The following SVIL variants were observed in gnomAD, a reference collection of about 807,000 sequenced individuals.
The protein encoded by SVIL is supervillin, also known as archvillin.
A neutral mutation model predicts 240.4 loss-of-function variants in SVIL; 101 were observed. That is an observed-to-expected ratio of 0.42 (90% confidence interval 0.36 to 0.50). The LOEUF is 0.50. Among genes scored for constraint, SVIL ranks in the 20% least tolerant of loss-of-function variants. SVIL has a pLI of 0.01. For missense variants in SVIL, 2,512 were observed against 2,818.7 expected, an observed-to-expected ratio of 0.89 and a Z score of 2.46; for synonymous variants, 999 against 1,100.0, an observed-to-expected ratio of 0.91 and a Z score of 1.82.
chr10:29,479,438 C>A (rs1252986398), intron 29 of SVIL, among the ~76,000 whole-genome samples: 1 of 152,200 alleles, frequency 6.6e-6, no homozygotes, highest in Non-Finnish European at 1.5e-5. Flanking sequence ...CAGAGTAAAG[C>A]CCCCAGCATC....
chr10:29,722,963 T>C (rs148848849), intron 1 of SVIL, among the ~76,000 whole-genome samples: 17 of 152,368 alleles, frequency 1.1e-4, no homozygotes, highest in African/African-American at 4.1e-4. Flanking sequence ...GCCTTGATGT[T>C]GCTCATCTGT....
chr10:29,472,640 G>A (rs1449913752), intron 30 of SVIL, among the ~76,000 whole-genome samples: 1 of 152,198 alleles, frequency 6.6e-6, no homozygotes, highest in Non-Finnish European at 1.5e-5. Flanking sequence ...TGCAAGCCTT[G>A]GATCTGGGCA....
At chr10:29,667,360 C>T (rs1959388911) in intron 2 of SVIL, among the ~76,000 whole-genome samples, 1 of 152,150 alleles carries the variant, frequency 6.6e-6, no homozygotes, top group Non-Finnish European at 1.5e-5. Flanking sequence ...AAGCCAGACT[C>T]AAAAGACATC....
chr10:29,730,253 A>T (rs1964542896), intron 1 of SVIL, among the ~76,000 whole-genome samples: 1 of 152,214 alleles, frequency 6.6e-6, no homozygotes, highest in Non-Finnish European at 1.5e-5. Flanking sequence ...TAAGGAAGGG[A>T]GATTTATCCC....
At chr10:29,668,980 T>C (rs983064078) in intron 2 of SVIL, among the ~76,000 whole-genome samples, 2 of 152,224 alleles carry the variant, frequency 1.3e-5, no homozygotes, top group Admixed American at 1.3e-4. Context: ...CTAGGCACTA[T>C]AGGTACAATG....
intron 2 of SVIL, among the ~76,000 whole-genome samples, chr10:29,659,810 T>TA (rs1564742566): frequency 6.6e-6 from 1 of 151,762 alleles, no homozygotes; most frequent in Non-Finnish European, 1.5e-5. Context: ...GTTCCAACAA[T>TA]AAAAAAAATC....
chr10:29,700,870 C>G (rs1268032852), intron 1 of SVIL, among the ~76,000 whole-genome samples: 2 of 152,078 alleles, frequency 1.3e-5, no homozygotes, highest in African/African-American at 2.4e-5. Context: ...TGAGTATTAA[C>G]AAAAACAAGC....
At chr10:29,465,827 T>C in intron 33 of SVIL, 77 bp from the exon 34 acceptor site, 1 of 1,518,982 alleles carries the variant, frequency 6.6e-7, no homozygotes, top group Non-Finnish European at 8.9e-7. Context: ...GAATGTAAAA[T>C]ATGAAATAAT....
At chr10:29,733,712 C>T (rs1329161557) in intron 1 of SVIL, among the ~76,000 whole-genome samples, 2 of 152,214 alleles carry the variant, frequency 1.3e-5, no homozygotes, top group Non-Finnish European at 2.9e-5. Context: ...AGCCATTCTT[C>T]CCAGACTTTC....
chr10:29,703,042 C>A (rs955420071), intron 1 of SVIL, among the ~76,000 whole-genome samples: 4 of 151,976 alleles, frequency 2.6e-5, no homozygotes, highest in Non-Finnish European at 4.4e-5. Flanking sequence ...CAAGACAGTT[C>A]AAAAATGTGA....
chr10:29,630,465 T>C (rs1309165110), intron 1 of SVIL, among the ~76,000 whole-genome samples: 4 of 152,174 alleles, frequency 2.6e-5, no homozygotes, highest in Admixed American at 6.5e-5. Flanking sequence ...GAGATCTCTC[T>C]GAACCAATAC....
intron 1 of SVIL, among the ~76,000 whole-genome samples, chr10:29,696,108 C>T (rs964018968): frequency 2.0e-5 from 3 of 151,842 alleles, no homozygotes; most frequent in Non-Finnish European, 2.9e-5. Context: ...CGCGCCGCCA[C>T]GCCTGACTGG....
intron 11 of SVIL, 107 bp from the exon 12 acceptor site, chr10:29,529,951 G>T: frequency 1.7e-6 from 2 of 1,207,720 alleles, no homozygotes; most frequent in Non-Finnish European, 2.2e-6. Flanking sequence ...AGGGAAGATT[G>T]CTGGAGGCCA....
rs200906653 is a variant in SVIL at position 29,582,860 on chromosome 10, T to C, written c.-200-13548A>G. On this transcript the variant is annotated intron_variant, in intron 1 of 37. Transcript: ENST00000355867. ...ACACCTTCAGAGCTGCGGGGGCCCATGCCTCTCCTCTCGTGAGAAGAAGAC... is the reference window on the plus strand; with the variant it reads ...ACACCTTCAGAGCTGCGGGGGCCCACGCCTCTCCTCTCGTGAGAAGAAGAC... Among the ~76,000 whole-genome samples the C allele has an allele frequency of 3.7e-4, 56 of 152,230 alleles. No individual in the cohort carries two copies. In the East Asian group the frequency reaches 4.2e-3, roughly 12 times the overall value.
intron 1 of SVIL, among the ~76,000 whole-genome samples, chr10:29,601,477 C>G (rs1271982792): frequency 6.6e-6 from 1 of 152,128 alleles, no homozygotes. Context: ...CACTTTTGTC[C>G]CCAGTTCTAG....
chr10:29,477,196 A>G (rs547491190), intron 29 of SVIL, among the ~76,000 whole-genome samples: 3 of 152,268 alleles, frequency 2.0e-5, no homozygotes, highest in Admixed American at 6.5e-5. Context: ...TTAGTTACCT[A>G]ATTTAAAGTG....
At chr10:29,584,886 T>C (rs1956100567) in intron 1 of SVIL, among the ~76,000 whole-genome samples, 1 of 152,100 alleles carries the variant, frequency 6.6e-6, no homozygotes, top group Non-Finnish European at 1.5e-5. Flanking sequence ...TGCTGCTTGG[T>C]CTTCAGGTGG....
At chr10:29,700,304 C>T (rs1329794042) in intron 1 of SVIL, among the ~76,000 whole-genome samples, 1 of 152,096 alleles carries the variant, frequency 6.6e-6, no homozygotes, top group Non-Finnish European at 1.5e-5. Flanking sequence ...AACACTCCAA[C>T]CTACCAGCAG....
At chr10:29,495,499 G>A (rs1434521223) in intron 18 of SVIL, among the ~76,000 whole-genome samples, 1 of 152,188 alleles carries the variant, frequency 6.6e-6, no homozygotes, top group Non-Finnish European at 1.5e-5. Context: ...GAGGCCCTTC[G>A]GAGATGGCAG....
Sources: gnomAD v4.1 joint callset for allele counts (sites outside exome capture counted in the v4.1 genomes callset) on GRCh38, gnomAD v4.1.1 for gene constraint, MANE v1.5 for transcripts, NCBI Gene and HGNC (gene_info 2026-07-23, HGNC 2026-07-21) for gene names.